The following RGS6 variants were observed in gnomAD, a reference collection of about 807,000 sequenced individuals.
The protein encoded by RGS6 is regulator of G-protein signaling 6.
RGS6 carries 30 observed loss-of-function variants against 78.5 expected under a neutral mutation model. The ratio of observed to expected loss-of-function variants is 0.38; its 90% confidence interval spans 0.29 to 0.52. The LOEUF (loss-of-function observed/expected upper bound fraction) is 0.52. Ranked by LOEUF, RGS6 falls within the 20% of genes least tolerant of loss-of-function variation. The probability of loss-of-function intolerance (pLI) is 0.85; values close to 1 mark genes in which losing one functional copy is unlikely to be tolerated. For synonymous variants in RGS6, 206 were observed against 206.0 expected, an observed-to-expected ratio of 1.00 and a Z score of 0.00; for missense variants, 495 against 609.7, an observed-to-expected ratio of 0.81 and a Z score of 1.98.
chr14:72,547,342 A>G (rs2097422207), intron 17 of RGS6: 3 of 1,535,314 alleles, frequency 2.0e-6, no homozygotes, highest in South Asian at 1.2e-5. Context: ...GAGAGCTTCA[A>G]GTCTGAGGAC....
chr14:72,135,300 C>T (rs1199577449), intron 2 of RGS6, among the ~76,000 whole-genome samples: 1 of 152,138 alleles, frequency 6.6e-6, no homozygotes, highest in African/African-American at 2.4e-5. Flanking sequence ...TCTTGAGGAA[C>T]TCCCTGGACT....
At chr14:72,390,878 C>T (rs990410127) in intron 3 of RGS6, among the ~76,000 whole-genome samples, 1 of 152,074 alleles carries the variant, frequency 6.6e-6, no homozygotes, top group African/African-American at 2.4e-5. Context: ...GCTTTTATTC[C>T]AGGACTGAGA....
At chr14:72,257,387 T>G (rs1284358736) in intron 2 of RGS6, among the ~76,000 whole-genome samples, 1 of 152,174 alleles carries the variant, frequency 6.6e-6, no homozygotes, top group Non-Finnish European at 1.5e-5. Context: ...TTATGTTAAT[T>G]TTGTATCCTG....
intron 2 of RGS6, among the ~76,000 whole-genome samples, chr14:72,095,007 C>T (rs772732339): frequency 5.9e-5 from 9 of 152,010 alleles, no homozygotes; most frequent in Non-Finnish European, 1.2e-4. Context: ...TTTTGACTGT[C>T]AGCCTGAGTA....
chr14:72,136,725 TAATCAAAAATA>T (rs2096449189), intron 2 of RGS6, among the ~76,000 whole-genome samples: 1 of 152,146 alleles, frequency 6.6e-6, no homozygotes, highest in African/African-American at 2.4e-5. Flanking sequence ...TATCAAAACT[TAATCAAAAATA>T]ATTGAAATGT....
In RGS6 at chr14:72,562,708, T is replaced by C. The variant is rs1385867697; in HGVS notation, c.*241T>C. 1.0e-5 allele frequency: 16 copies of C among 1,536,014 alleles called. No individual in the cohort carries two copies. Among genetic ancestry groups the C allele is most frequent in the Non-Finnish European group, 1.4e-5 (16 of 1,146,894 alleles). ...CTCCTGTTTACAGCCCTCTCTTCTT[T>C]GTACAGTTGTATTCCAACACTCCAC... On this transcript the variant is annotated 3_prime_UTR_variant, in exon 18 of 18. Coordinates refer to ENST00000553525, the MANE Select transcript of RGS6 (RefSeq NM_001204424.2).
chr14:72,267,875 G>A (rs1016583491), intron 2 of RGS6, among the ~76,000 whole-genome samples: 1 of 152,170 alleles, frequency 6.6e-6, no homozygotes, highest in Non-Finnish European at 1.5e-5. Flanking sequence ...CTGCTCCAAA[G>A]CATAGAATAT....
At chr14:72,577,250 C>G in the RGS6 span, among the ~76,000 whole-genome samples, 1 of 152,202 alleles carries the variant, frequency 6.6e-6, no homozygotes, top group Non-Finnish European at 1.5e-5. Context: ...ATATGTAATT[C>G]ATATCTATAT....
intron 2 of RGS6, among the ~76,000 whole-genome samples, chr14:72,343,564 C>G (rs1452058454): frequency 1.3e-5 from 2 of 152,194 alleles, no homozygotes; most frequent in African/African-American, 4.8e-5. Flanking sequence ...GGACATGGAT[C>G]TCTTTTGGGG....
chr14:71,891,529 C>T, the RGS6 span, among the ~76,000 whole-genome samples: 3 of 152,208 alleles, frequency 2.0e-5, no homozygotes, highest in African/African-American at 7.2e-5. Flanking sequence ...TGAGAACAAA[C>T]ATCCTAACAA....
intron 2 of RGS6, among the ~76,000 whole-genome samples, chr14:72,166,575 G>A (rs2153672347): frequency 6.6e-6 from 1 of 152,326 alleles, no homozygotes; most frequent in African/African-American, 2.4e-5. Flanking sequence ...ACTGAGGTCT[G>A]TCTGTGTTAG....
intron 3 of RGS6, among the ~76,000 whole-genome samples, chr14:72,389,568 G>C (rs2037175254): frequency 6.6e-6 from 1 of 152,184 alleles, no homozygotes; most frequent in African/African-American, 2.4e-5. Flanking sequence ...GCAAGGTTCT[G>C]TTTCCCATGT....
chr14:72,113,854 A>C (rs558866797), intron 2 of RGS6, among the ~76,000 whole-genome samples: 1 of 152,304 alleles, frequency 6.6e-6, no homozygotes, highest in Non-Finnish European at 1.5e-5. Flanking sequence ...CATTGCTCAT[A>C]ATGAGGCTAT....
At chr14:72,629,145 A>C in the RGS6 span, among the ~76,000 whole-genome samples, 1 of 152,228 alleles carries the variant, frequency 6.6e-6, no homozygotes, top group East Asian at 1.9e-4. Context: ...GTATAAAAGT[A>C]AGTCCTTATC....
At chr14:71,978,896 A>C (rs1276127067) in intron 2 of RGS6, among the ~76,000 whole-genome samples, 1 of 141,706 alleles carries the variant, frequency 7.1e-6, no homozygotes, top group African/African-American at 2.6e-5. Flanking sequence ...CTGGTCCTGG[A>C]CTCTTTTTGG....
intron 2 of RGS6, among the ~76,000 whole-genome samples, chr14:72,079,716 T>C (rs1204810028): frequency 6.6e-6 from 1 of 152,196 alleles, no homozygotes; most frequent in Non-Finnish European, 1.5e-5. Context: ...TAGACTCTGG[T>C]AACCACTGTT....
Position 72,052,979 on chromosome 14 carries a change from TTCTTTCTCTCTC to T in RGS6, c.84+88108_84+88119del, listed in dbSNP as rs1364971602. ...TTTCTTTCTTTCTTTCTTTCTTTCTTTCTTTCTCTCTCTCTCTCTCTCTCTCTTTCTTTCCTT... is the reference window on the plus strand; with the variant it reads ...TTTCTTTCTTTCTTTCTTTCTTTCTTTCTCTCTCTCTCTCTTTCTTTCCTT... On this transcript the variant is annotated intron_variant, in intron 2 of 17. Transcript: ENST00000553525. Among the ~76,000 whole-genome samples the T allele has an allele frequency of 4.0e-3, 217 of 53,688 alleles. 1 individual carries two copies. Among genetic ancestry groups the T allele is most frequent in the African/African-American group, 0.018 (178 of 10,018 alleles). The allele number at this position is 53,688 out of a possible 152,430, so 35.2% of individuals were successfully genotyped here.
At chr14:72,627,228 A>G in the RGS6 span, among the ~76,000 whole-genome samples, 18 of 152,188 alleles carry the variant, frequency 1.2e-4, no homozygotes, top group African/African-American at 3.8e-4. Flanking sequence ...CTTTTCCTGT[A>G]TTTAGATTAA....
chr14:72,319,112 A>G (rs973136487), intron 2 of RGS6, among the ~76,000 whole-genome samples: 7 of 152,316 alleles, frequency 4.6e-5, no homozygotes, highest in African/African-American at 1.7e-4. Context: ...CATACATGAC[A>G]CTACAAAGAT....
Sources: allele counts gnomAD v4.1 joint callset (sites outside exome capture counted in the v4.1 genomes callset), GRCh38; gene constraint gnomAD v4.1.1; transcripts MANE v1.5; gene names NCBI Gene and HGNC (gene_info 2026-07-23, HGNC 2026-07-21).